Variants in PYROXD1 observed in about 807,000 individuals in gnomAD.
The protein encoded by PYROXD1 is tRNA ligase complex-associated NAD(P)H dehydrogenase PYROXD1.
In PYROXD1, 42 loss-of-function variants were observed where a neutral mutation model predicts 62.0. That is an observed-to-expected ratio of 0.68 (90% CI 0.53 to 0.88). The LOEUF (loss-of-function observed/expected upper bound fraction) is 0.88. PYROXD1 is among the 40% of genes least tolerant of loss of function. PYROXD1 has a pLI of 0.00. For synonymous variants in PYROXD1, 170 were observed against 206.4 expected, an observed-to-expected ratio of 0.82 and a Z score of 1.51; for missense variants, 493 against 604.8, an observed-to-expected ratio of 0.82 and a Z score of 1.94.
At chr12:21,450,436 G>C (rs1225344590) in intron 4 of PYROXD1, among the ~76,000 whole-genome samples, 3 of 152,144 alleles carry the variant, frequency 2.0e-5, no homozygotes, top group Non-Finnish European at 4.4e-5. Context: ...ACAAAATCAT[G>C]ATAGAATCAT....
At chr12:21,446,136 G>C (rs564353766) in intron 3 of PYROXD1, among the ~76,000 whole-genome samples, 2 of 152,280 alleles carry the variant, frequency 1.3e-5, no homozygotes, top group Non-Finnish European at 2.9e-5. Flanking sequence ...ATAAGAAGTT[G>C]AGTTTGGGCC....
At chr12:21,439,574 A>C in intron 1 of PYROXD1, among the ~76,000 whole-genome samples, 1 of 152,108 alleles carries the variant, frequency 6.6e-6, no homozygotes, top group Non-Finnish European at 1.5e-5. Flanking sequence ...TTGAAGCCAG[A>C]CTGGGCAACA....
At chr12:21,449,901 A>G (rs1202026239) in intron 4 of PYROXD1, among the ~76,000 whole-genome samples, 1 of 147,066 alleles carries the variant, frequency 6.8e-6, no homozygotes, top group Non-Finnish European at 1.5e-5. Context: ...TCTGTTGCCC[A>G]GGCTGGAGTG....
At position 21,455,493 on chromosome 12, in the gene PYROXD1, T is replaced by C. The variant is rs1048229803; in HGVS notation, c.649+201T>C. Among the ~76,000 whole-genome samples the C allele has an allele frequency of 6.7e-5, 10 of 149,830 alleles. 1 individual carries two copies. In the South Asian group the frequency reaches 2.1e-3, roughly 31 times the overall value. ...ATATATATATAATTAAAACAAGAAA[T>C]TTAAAATAAATTGAATAACTCAGCC... On this transcript the variant is annotated intron_variant, in intron 6 of 11. Coordinates refer to ENST00000240651, the MANE Select transcript of PYROXD1 (RefSeq NM_024854.5).
chr12:21,454,218 A>G (rs10841817), intron 5 of PYROXD1, among the ~76,000 whole-genome samples: 143,147 of 152,046 alleles, frequency 0.94, 67,955 homozygotes, highest in East Asian at 1. Context: ...AATAAAGATG[A>G]CAATACTTTG....
At chr12:21,438,499 T>G (rs943268860) in intron 1 of PYROXD1, 1 of 152,346 alleles carries the variant, frequency 6.6e-6, no homozygotes, top group Non-Finnish European at 1.5e-5. Flanking sequence ...AGTTGCCAAG[T>G]CTTTAGTGCA....
intron 2 of PYROXD1, 150 bp from the exon 3 acceptor site, chr12:21,445,197 T>C: frequency 4.0e-6 from 3 of 754,286 alleles, no homozygotes; most frequent in Non-Finnish European, 3.8e-6. Context: ...CTGAGTCTAG[T>C]CCTCTTTCCA....
chr12:21,462,613 T>C (rs766126153), intron 9 of PYROXD1, 127 bp from the exon 10 acceptor site: 11 of 1,067,924 alleles, frequency 1.0e-5, no homozygotes, highest in Non-Finnish European at 1.5e-5. Flanking sequence ...ACTTTGCTGA[T>C]ATTTTTCATT....
intron 5 of PYROXD1, among the ~76,000 whole-genome samples, chr12:21,453,611 C>G (rs1942542865): frequency 6.6e-6 from 1 of 152,040 alleles, no homozygotes; most frequent in African/African-American, 2.4e-5. Flanking sequence ...GAGTCATTTT[C>G]AAAATGAAAG....
chr12:21,467,390 T>C (rs1229132148), intron 10 of PYROXD1, 91 bp from the exon 11 acceptor site: 3 of 1,193,108 alleles, frequency 2.5e-6, no homozygotes, highest in Non-Finnish European at 3.5e-6. Context: ...CTGTCAAACA[T>C]TGAACTCCTT....
chr12:21,439,757 G>C (rs555196043), intron 1 of PYROXD1, among the ~76,000 whole-genome samples: 25 of 152,304 alleles, frequency 1.6e-4, no homozygotes, highest in Non-Finnish European at 3.1e-4. Context: ...TTCAGGTACA[G>C]AGTGAAGAAG....
intron 10 of PYROXD1, among the ~76,000 whole-genome samples, chr12:21,464,209 GA>G (rs112852303): frequency 0.11 from 16,675 of 151,254 alleles, 1,034 homozygotes; most frequent in East Asian, 0.29. Context: ...TGAAAGAGGG[GA>G]AAAAATCCGA....
intron 9 of PYROXD1, 79 bp from the exon 10 acceptor site, chr12:21,462,661 A>T: frequency 6.7e-7 from 1 of 1,500,160 alleles, no homozygotes; most frequent in Non-Finnish European, 9.2e-7. Flanking sequence ...GTAACAATTT[A>T]ATTTGTTCTT....
Position 21,461,942 on chromosome 12 carries a change from T to C in PYROXD1, c.881-66T>C. The C allele has an allele frequency of 3.3e-6, 3 of 907,296 alleles. No homozygotes were observed. The South Asian group carries it at 4.4e-5, about 13-fold the overall frequency. 56.2% of individuals were successfully genotyped at this position (907,296 alleles called of 1,614,324 possible). On this transcript the variant is annotated intron_variant, in intron 8 of 11. Coordinates refer to ENST00000240651, the MANE Select transcript of PYROXD1 (RefSeq NM_024854.5). ...TTTGTTTCTAGTCATTGTAGTCACA[T>C]ACACTGCTGTGGTGATGGTTCCATT...
rs758899544 is a variant in PYROXD1, at chr12:21,462,744, A to T, written c.998A>T (p.Asp333Val). The change falls in exon 10 of 12, where the codon GAT becomes GTT. Residue 333 changes from aspartate to valine, a missense_variant. Physicochemically the swap from Asp to Val is radical, Grantham distance 152. Around this residue, in one of 2 missense-constraint regions of PYROXD1, gnomAD observed 329 missense variants for 446.6 expected, o/e 0.74. Coordinates refer to ENST00000240651, the MANE Select transcript of PYROXD1 (RefSeq NM_024854.5). ...CTTATGAGGAATGTTGTTTAGTTTG[A>T]TCTAGGAGAAGATGGTGGCCTGAAA... Reference protein sequence around the residue: ...VEPFLHGNSFDLGEDGGLKVD... With the variant: ...VEPFLHGNSFVLGEDGGLKVD... The T allele has an allele frequency of 1.9e-6, 3 of 1,613,548 alleles. No individual in the cohort carries two copies. In the South Asian group the frequency reaches 3.3e-5, roughly 18 times the overall value.
rs763894040 is a variant in PYROXD1 at position 21,470,206 on chromosome 12, G to C, written c.*1452G>C. 6.2e-7 allele frequency: 1 copy of C among 1,611,382 alleles called. No homozygotes were observed. Among genetic ancestry groups the C allele is most frequent in the South Asian group, 1.1e-5 (1 of 90,916 alleles). ...AGTAACATTCATATCAGGCATCATCGATTTTTCTTTTCTTAGCTCCTGTAT... is the reference window on the plus strand; with the variant it reads ...AGTAACATTCATATCAGGCATCATCCATTTTTCTTTTCTTAGCTCCTGTAT... On this transcript the variant is annotated 3_prime_UTR_variant, in exon 12 of 12. Coordinates refer to ENST00000240651, the MANE Select transcript of PYROXD1 (RefSeq NM_024854.5).
intron 10 of PYROXD1, among the ~76,000 whole-genome samples, 179 bp downstream of exon 10, chr12:21,463,041 A>G (rs1166290443): frequency 6.6e-6 from 1 of 152,198 alleles, no homozygotes; most frequent in Non-Finnish European, 1.5e-5. Flanking sequence ...GTAAGTTATC[A>G]TTATAATGGT....
At chr12:21,460,412 A>G (rs1216059857) in intron 7 of PYROXD1, among the ~76,000 whole-genome samples, 3 of 146,562 alleles carry the variant, frequency 2.0e-5, no homozygotes, top group Admixed American at 1.4e-4. Flanking sequence ...TTATTTATTT[A>G]TTTATTTATT....
intron 8 of PYROXD1, 99 bp from the exon 9 acceptor site, chr12:21,461,909 T>C: frequency 1.6e-6 from 1 of 612,040 alleles, no homozygotes; most frequent in Non-Finnish European, 2.8e-6. Flanking sequence ...TGCCTTTCTT[T>C]TTCTTTCTTT....
Sources: allele counts gnomAD v4.1 joint callset (sites outside exome capture counted in the v4.1 genomes callset), GRCh38; gene constraint gnomAD v4.1.1; regional missense constraint gnomAD v4.1.1; transcripts MANE v1.5; gene names NCBI Gene and HGNC (gene_info 2026-07-23, HGNC 2026-07-21).